ZNF624: variants seen among roughly 807,000 people sequenced by gnomAD.
ZNF624 encodes zinc finger protein 624.
ZNF624 carries 43 observed loss-of-function variants against 74.7 expected under a neutral mutation model. The observed-to-expected ratio is 0.58, with a 90% CI of 0.45 to 0.74. ZNF624 has a LOEUF of 0.74. Ranked by LOEUF, ZNF624 falls within the 30% of genes least tolerant of loss-of-function variation. The probability of loss-of-function intolerance (pLI) is 0.00; values close to 1 mark genes in which losing one functional copy is unlikely to be tolerated. For missense variants in ZNF624, 820 were observed against 1,030.0 expected (o/e 0.80, Z 2.79); for synonymous variants, 331 against 341.3 (o/e 0.97, Z 0.33).
chr17:16,650,037 G>A (rs1406144703), intron 1 of ZNF624, among the ~76,000 whole-genome samples: 1 of 151,922 alleles, frequency 6.6e-6, no homozygotes, highest in Admixed American at 6.6e-5. Context: ...CATAGATGAG[G>A]AAACTGAACC....
At chr17:16,637,215 TAA>T (rs1909355150) in intron 3 of ZNF624, among the ~76,000 whole-genome samples, 1 of 152,056 alleles carries the variant, frequency 6.6e-6, no homozygotes, top group African/African-American at 2.4e-5. Context: ...CTCAATGAAA[TAA>T]AAGAGATACA....
chr17:16,649,610 TGC>T, intron 2 of ZNF624, 46 bp downstream of exon 2: 1 of 1,549,606 alleles, frequency 6.5e-7, no homozygotes, highest in Non-Finnish European at 8.9e-7. Flanking sequence ...AAAGTAAACA[TGC>T]TCTCAAACCA....
chr17:16,636,754 T>C (rs1555905232), intron 3 of ZNF624, among the ~76,000 whole-genome samples: 1 of 151,524 alleles, frequency 6.6e-6, no homozygotes, highest in Non-Finnish European at 1.5e-5. Flanking sequence ...GAGAATGGCA[T>C]GAACCTGGGA....
the ZNF624 span, among the ~76,000 whole-genome samples, chr17:16,615,333 G>A: frequency 7.2e-5 from 11 of 152,208 alleles, no homozygotes; most frequent in Admixed American, 1.3e-4. Flanking sequence ...TCCTGACCTC[G>A]TGGTCTGCCC....
chr17:16,646,712 C>A (rs2142650753), intron 3 of ZNF624, among the ~76,000 whole-genome samples: 1 of 152,298 alleles, frequency 6.6e-6, no homozygotes, highest in Admixed American at 6.5e-5. Context: ...CAATCTTCTA[C>A]AAGTTAATAT....
In ZNF624 at chr17:16,649,757, G is replaced by T; in HGVS notation, c.-2-11C>A. On this transcript the variant is annotated splice_polypyrimidine_tract_variant and intron_variant, in intron 1 of 5. Transcript: ENST00000311331. The stretch of plus-strand genomic sequence containing the variant: ...CTTGCAAAGACATACCTAAGGAAGA[G>T]AAATAAGCCATGGAAACCAATCCTG... 6.2e-7 allele frequency: 1 copy of T among 1,609,078 alleles called. No individual in the cohort carries two copies. Among genetic ancestry groups the T allele is most frequent in the Non-Finnish European group, 8.5e-7 (1 of 1,175,640 alleles).
chr17:16,617,764 C>T (rs1908822374), downstream of ZNF624: 3 of 1,608,390 alleles, frequency 1.9e-6, no homozygotes, highest in South Asian at 3.3e-5. Flanking sequence ...TCGAACTCCA[C>T]GAAGCCGTAG....
intron 5 of ZNF624, 127 bp from the exon 6 acceptor site, chr17:16,624,636 T>C: frequency 1.1e-6 from 1 of 909,694 alleles, no homozygotes; most frequent in Non-Finnish European, 1.6e-6. Flanking sequence ...TCACACTGAC[T>C]TGTTTTTTAG....
intron 1 of ZNF624, among the ~76,000 whole-genome samples, 181 bp from the exon 2 acceptor site, chr17:16,649,927 C>T (rs1386589688): frequency 6.6e-6 from 1 of 152,178 alleles, no homozygotes; most frequent in Non-Finnish European, 1.5e-5. Flanking sequence ...GCACTGTTAA[C>T]TATAGTCACA....
At chr17:16,615,078 T>G in the ZNF624 span, among the ~76,000 whole-genome samples, 2 of 152,072 alleles carry the variant, frequency 1.3e-5, no homozygotes, top group Admixed American at 6.6e-5. Flanking sequence ...GAGTCATTGT[T>G]TAATGGGTAT....
Position 16,635,692 on chromosome 17 carries a change from T to G in ZNF624, c.154-936A>C, listed in dbSNP as rs950234204. Among the ~76,000 whole-genome samples, 3 of 152,142 alleles carry G rather than the reference T, an allele frequency of 2.0e-5. No individual in the cohort carries two copies. The South Asian group carries it at 6.2e-4, about 31-fold the overall frequency. On this transcript the variant is annotated intron_variant, in intron 3 of 5. Coordinates refer to ENST00000311331, the MANE Select transcript of ZNF624 (RefSeq NM_020787.4). ...ATATTAATTACAGTGACAGACATGTTATTGTTTAACTGCTGTGCGTGTAGT... is the reference window on the plus strand; with the variant it reads ...ATATTAATTACAGTGACAGACATGTGATTGTTTAACTGCTGTGCGTGTAGT...
chr17:16,646,177 C>G (rs1042239703), intron 3 of ZNF624, among the ~76,000 whole-genome samples: 2 of 151,920 alleles, frequency 1.3e-5, no homozygotes, highest in Non-Finnish European at 2.9e-5. Context: ...TTTGTCAGAA[C>G]AAAAATAAAC....
rs1252906912 is a variant in ZNF624, at chr17:16,649,330, T to C, written c.87+328A>G. 2.0e-5 allele frequency among the ~76,000 whole-genome samples: 3 copies of C among 152,212 alleles called. No individual in the cohort carries two copies. In the East Asian group the frequency reaches 5.8e-4, roughly 29 times the overall value. ...TAATTTCCTATATAAAATTTTCCAA[T>C]TGAAAAATATTCCATTTTGCTGTCC... On this transcript the variant is annotated intron_variant, in intron 2 of 5. Coordinates refer to ENST00000311331, the MANE Select transcript of ZNF624 (RefSeq NM_020787.4).
rs1909002977 is a variant in ZNF624, at chr17:16,624,135, T to C, written c.751A>G (p.Met251Val). 6.2e-7 allele frequency: 1 copy of C among 1,614,156 alleles called. No individual in the cohort carries two copies. The highest frequency in any genetic ancestry group is 8.5e-7 in the Non-Finnish European group (1 of 1,180,026). Residue 251 changes from methionine (M) to valine (V), a missense_variant, in exon 6 of 6, where the codon ATG becomes GTG. By Grantham distance (21) the Met-to-Val change is conservative. Transcript: ENST00000311331. ...THLGKIICKE[M>V]KGSKAIRQTS... ...TGCCTTATGGCTTTGCTGCCTTTCA[T>C]CTCCTTGCAAATTATCTTCCCCAAA... is the stretch of plus-strand genomic sequence containing the variant.
At position 16,634,775 on chromosome 17, in the gene ZNF624, G is replaced by A; in HGVS notation, c.154-19C>T. 1.9e-6 allele frequency: 3 copies of A among 1,605,532 alleles called. No individual in the cohort carries two copies. Among genetic ancestry groups the A allele is most frequent in the Non-Finnish European group, 2.6e-6 (3 of 1,176,360 alleles). ...CCGATTCCTAAAACAATTACATTGT[G>A]ATCACTTAGAAACTATACAATTAGA... On this transcript the variant is annotated intron_variant, in intron 3 of 5. Transcript: ENST00000311331.
At chr17:16,639,008 T>C (rs530935820) in intron 3 of ZNF624, among the ~76,000 whole-genome samples, 1 of 152,166 alleles carries the variant, frequency 6.6e-6, no homozygotes, top group Non-Finnish European at 1.5e-5. Flanking sequence ...GAAGGTGCTA[T>C]TTACAAATAA....
In ZNF624 at chr17:16,623,937, A is replaced by AAG; in HGVS notation, c.947_948dup (p.Ser317LeufsTer176). On this transcript the variant is annotated frameshift_variant, in exon 6 of 6. Transcript: ENST00000311331. LOFTEE classifies it high-confidence loss of function. The surrounding 1 kb of genome is among the most constrained non-coding windows in gnomAD (Gnocchi z 5.3). The stretch of plus-strand genomic sequence containing the variant: ...ATTTTTTTGTGCTGACTGAGATATG[A>AAG]AGGCTGGCTGAATGTTTTCCCACAT... 6.2e-7 allele frequency: 1 copy of AAG among 1,613,900 alleles called. No homozygotes were observed. The highest frequency in any genetic ancestry group is 1.3e-5 in the African/African-American group (1 of 75,020).
At chr17:16,640,582 A>G (rs1018469213) in intron 3 of ZNF624, among the ~76,000 whole-genome samples, 2 of 152,194 alleles carry the variant, frequency 1.3e-5, no homozygotes, top group African/African-American at 4.8e-5. Flanking sequence ...AGACATTCCT[A>G]CTGACCTTAA....
chr17:16,635,311 T>C (rs1205615081), intron 3 of ZNF624, among the ~76,000 whole-genome samples: 1 of 152,152 alleles, frequency 6.6e-6, no homozygotes, highest in Non-Finnish European at 1.5e-5. Context: ...TTGGTCTGGA[T>C]ATGTATATGT....
Sources: allele counts gnomAD v4.1 joint callset (sites outside exome capture counted in the v4.1 genomes callset), GRCh38; gene constraint gnomAD v4.1.1; non-coding constraint Gnocchi (gnomAD v3.1); transcripts MANE v1.5; gene names NCBI Gene and HGNC (gene_info 2026-07-23, HGNC 2026-07-21).